The following IRAK1BP1 variants were observed in gnomAD, a reference collection of about 807,000 sequenced individuals.
IRAK1BP1 encodes interleukin 1 receptor associated kinase 1 binding protein 1, also known as interleukin-1 receptor-associated kinase 1-binding protein 1.
Under a neutral mutation model 28.0 loss-of-function variants are expected in IRAK1BP1, and 24 were observed. That is an observed-to-expected ratio of 0.86 (90% CI 0.62 to 1.20). IRAK1BP1 has a LOEUF of 1.20. Among genes scored for constraint, IRAK1BP1 ranks in the 50% most tolerant of loss-of-function variants. IRAK1BP1 has a pLI of 0.00. For missense variants in IRAK1BP1, 336 were observed against 316.7 expected (o/e 1.06, Z -0.46); for synonymous variants, 131 against 116.3 (o/e 1.13, Z -0.81).
chr6:78,879,149 A>C (rs1055207435), intron 1 of IRAK1BP1, among the ~76,000 whole-genome samples: 1 of 152,016 alleles, frequency 6.6e-6, no homozygotes, highest in Non-Finnish European at 1.5e-5. Flanking sequence ...GAACTGAACA[A>C]TGAGAACACT....
At chr6:78,912,654 C>T (rs1217197450) in intron 4 of IRAK1BP1, among the ~76,000 whole-genome samples, 1 of 152,098 alleles carries the variant, frequency 6.6e-6, no homozygotes, top group Non-Finnish European at 1.5e-5. Flanking sequence ...TGGAAACAAC[C>T]ACCATGTCTA....
chr6:78,885,579 G>T, intron 2 of IRAK1BP1, 136 bp downstream of exon 2: 1 of 497,320 alleles, frequency 2.0e-6, no homozygotes. Flanking sequence ...TCATCTTGGT[G>T]TTATATATCT....
chr6:78,905,414 A>G (rs555153280), downstream of IRAK1BP1, among the ~76,000 whole-genome samples: 6 of 152,318 alleles, frequency 3.9e-5, no homozygotes, highest in Admixed American at 2.6e-4. Flanking sequence ...AACATCAGCA[A>G]TGTTCAAAGA....
chr6:78,868,394 G>A (rs534125920), intron 1 of IRAK1BP1, among the ~76,000 whole-genome samples: 1 of 152,290 alleles, frequency 6.6e-6, no homozygotes, highest in Admixed American at 6.5e-5. Flanking sequence ...TTGGGAAGTG[G>A]GGAAGAAGTT....
At chr6:78,957,650 T>G in the IRAK1BP1 span, 1 of 150,486 alleles carries the variant, frequency 6.6e-6, no homozygotes, top group African/African-American at 2.4e-5. Context: ...AACAGCTAAG[T>G]AAGCTTTTAA....
In IRAK1BP1 at chr6:78,888,336, A is replaced by ATGTTGTGTT. The variant is rs1365581280; in HGVS notation, c.381+2894_381+2902dup. Among the ~76,000 whole-genome samples the ATGTTGTGTT allele has an allele frequency of 3.3e-5, 5 of 149,312 alleles. No homozygotes were observed. In the East Asian group the frequency reaches 9.9e-4, roughly 30 times the overall value. The stretch of plus-strand genomic sequence containing the variant: ...AAAATTTGTTAAGAGGGTAGATCTC[A>ATGTTGTGTT]TGTTGTGTTGTTATCATACACATAC... On this transcript the variant is annotated intron_variant, in intron 2 of 3. Coordinates refer to ENST00000369940, the MANE Select transcript of IRAK1BP1 (RefSeq NM_001010844.4).
intron 4 of IRAK1BP1, among the ~76,000 whole-genome samples, chr6:78,917,624 G>A (rs1772594952): frequency 1.1e-5 from 1 of 89,802 alleles, no homozygotes; most frequent in African/African-American, 4.6e-5. Context: ...GACTGTCAAA[G>A]TCAACACTAA....
At chr6:78,968,133 T>G in the IRAK1BP1 span, among the ~76,000 whole-genome samples, 1 of 152,062 alleles carries the variant, frequency 6.6e-6, no homozygotes, top group Non-Finnish European at 1.5e-5. Context: ...AGACTCCATC[T>G]CAAAAATAAA....
the IRAK1BP1 span, among the ~76,000 whole-genome samples, chr6:78,968,120 G>GCTCGCTCTGTCT: frequency 9.2e-5 from 14 of 152,110 alleles, no homozygotes; most frequent in Non-Finnish European, 2.1e-4. Context: ...GGGTGACAGA[G>GCTCGCTCTGTCT]CGAGACTCCA....
chr6:78,942,290 C>A (rs1773544599), intron 4 of IRAK1BP1, among the ~76,000 whole-genome samples: 1 of 152,172 alleles, frequency 6.6e-6, no homozygotes, highest in South Asian at 2.1e-4. Context: ...CGAGACCAGC[C>A]TGGCCAACAT....
intron 4 of IRAK1BP1, among the ~76,000 whole-genome samples, chr6:78,930,824 G>C (rs1438252736): frequency 6.6e-6 from 1 of 150,960 alleles, no homozygotes; most frequent in Non-Finnish European, 1.5e-5. Flanking sequence ...CCCAGTTCTT[G>C]GGAGGCTGAG....
the IRAK1BP1 span, chr6:78,969,784 A>G: frequency 1.2e-6 from 1 of 844,550 alleles, no homozygotes; most frequent in African/African-American, 1.7e-5. Flanking sequence ...ATCACTTACT[A>G]AGAAAAAAAA....
intron 2 of IRAK1BP1, among the ~76,000 whole-genome samples, chr6:78,891,810 A>G (rs1486080729): frequency 6.6e-6 from 1 of 152,216 alleles, no homozygotes; most frequent in East Asian, 1.9e-4. Context: ...AATACTGTGT[A>G]TCAGGAAGCA....
At chr6:78,955,496 A>G in the IRAK1BP1 span, 406 of 547,628 alleles carry the variant, frequency 7.4e-4, 3 homozygotes, top group South Asian at 5.2e-3. Flanking sequence ...TTTTTTTTAA[A>G]TTAACTACAC....
intron 1 of IRAK1BP1, among the ~76,000 whole-genome samples, chr6:78,879,815 G>A (rs537782617): frequency 2.0e-5 from 3 of 152,138 alleles, no homozygotes; most frequent in Admixed American, 1.3e-4. Flanking sequence ...TGACCTACAT[G>A]CACATCTCTT....
chr6:78,962,746 C>CAT, the IRAK1BP1 span, among the ~76,000 whole-genome samples: 10 of 152,096 alleles, frequency 6.6e-5, no homozygotes, highest in Non-Finnish European at 1.2e-4. Context: ...ACAAGCTACC[C>CAT]ATATAATTAT....
At chr6:78,904,878 G>C (rs550616219), downstream of IRAK1BP1, among the ~76,000 whole-genome samples, 1 of 151,102 alleles carries the variant, frequency 6.6e-6, no homozygotes, top group Non-Finnish European at 1.5e-5. Context: ...AGCTCAATAC[G>C]TACAAAGTAA....
chr6:78,933,952 T>C (rs1273534166), intron 4 of IRAK1BP1, among the ~76,000 whole-genome samples: 1 of 152,232 alleles, frequency 6.6e-6, no homozygotes, highest in African/African-American at 2.4e-5. Context: ...TCAGCCTCTC[T>C]TGGCTTTTGA....
the IRAK1BP1 span, among the ~76,000 whole-genome samples, chr6:78,972,846 A>C: frequency 6.6e-6 from 1 of 152,220 alleles, no homozygotes; most frequent in Non-Finnish European, 1.5e-5. Flanking sequence ...ATAAAAAGAA[A>C]TGAGCAAAGC....
Sources: gnomAD v4.1 joint callset for allele counts (sites outside exome capture counted in the v4.1 genomes callset) on GRCh38, gnomAD v4.1.1 for gene constraint, MANE v1.5 for transcripts, NCBI Gene and HGNC (gene_info 2026-07-23, HGNC 2026-07-21) for gene names.